Variants in CAMK1D observed in about 807,000 individuals in gnomAD.
The protein encoded by CAMK1D is calcium/calmodulin-dependent protein kinase type 1D.
CAMK1D carries 9 observed loss-of-function variants against 47.7 expected under a neutral mutation model. The ratio of observed to expected loss-of-function variants is 0.19; its 90% confidence interval spans 0.11 to 0.33. CAMK1D has a LOEUF of 0.33. Among genes scored for constraint, CAMK1D ranks in the 10% least tolerant of loss-of-function variants. CAMK1D has a pLI of 1.00. For missense variants in CAMK1D, 291 were observed against 488.7 expected, an observed-to-expected ratio of 0.60 and a Z score of 3.81; for synonymous variants, 184 against 184.9, an observed-to-expected ratio of 0.99 and a Z score of 0.04.
chr10:12,668,922 A>G (rs542294839), intron 3 of CAMK1D, among the ~76,000 whole-genome samples: 1 of 151,674 alleles, frequency 6.6e-6, no homozygotes, highest in African/African-American at 2.4e-5. Flanking sequence ...AGAAAAAAAA[A>G]ACAAAAAACA....
At chr10:12,474,388 T>A (rs1380589042) in intron 1 of CAMK1D, among the ~76,000 whole-genome samples, 1 of 151,664 alleles carries the variant, frequency 6.6e-6, no homozygotes, top group Non-Finnish European at 1.5e-5. Context: ...AGAGATGGGG[T>A]TTCACCGTGT....
At chr10:12,416,011 AAAAAG>A (rs1445484153) in intron 1 of CAMK1D, 4 of 152,212 alleles carry the variant, frequency 2.6e-5, no homozygotes, top group Non-Finnish European at 4.4e-5. Context: ...GAAAAAAAGA[AAAAAG>A]AAAGCGAAAA....
chr10:12,497,020 G>A (rs1256456470), intron 1 of CAMK1D, among the ~76,000 whole-genome samples: 2 of 152,156 alleles, frequency 1.3e-5, no homozygotes, highest in African/African-American at 2.4e-5. Flanking sequence ...TTAGTTTGCT[G>A]AAGATAATGG....
chr10:12,611,344 C>A (rs1268409656), intron 2 of CAMK1D, among the ~76,000 whole-genome samples: 2 of 152,142 alleles, frequency 1.3e-5, no homozygotes, highest in African/African-American at 2.4e-5. Context: ...CGAAGTGCCC[C>A]CTTCCGTGCT....
At chr10:12,810,689 C>G (rs1832567695) in intron 6 of CAMK1D, among the ~76,000 whole-genome samples, 1 of 152,184 alleles carries the variant, frequency 6.6e-6, no homozygotes, top group African/African-American at 2.4e-5. Context: ...ACCAAACGCC[C>G]CACAGAGAGA....
chr10:12,759,716 C>T (rs1452128021), intron 3 of CAMK1D, among the ~76,000 whole-genome samples: 1 of 152,158 alleles, frequency 6.6e-6, no homozygotes, highest in Non-Finnish European at 1.5e-5. Flanking sequence ...ACAATATTGC[C>T]TGCTATGACT....
intron 1 of CAMK1D, among the ~76,000 whole-genome samples, chr10:12,498,381 C>A (rs970953274): frequency 3.8e-4 from 58 of 152,304 alleles, no homozygotes; most frequent in African/African-American, 1.4e-3. Flanking sequence ...GAGCATCTGG[C>A]ACCAGGAGAA....
At chr10:12,547,672 T>TC (rs1836431195) in intron 1 of CAMK1D, among the ~76,000 whole-genome samples, 1 of 42,062 alleles carries the variant, frequency 2.4e-5, no homozygotes, top group Admixed American at 2.1e-4. Context: ...TCTCTCTCTC[T>TC]TTCTCTCTCT....
At chr10:12,732,663 T>TCCCCCCC (rs1834942900) in intron 3 of CAMK1D, among the ~76,000 whole-genome samples, 1 of 130,554 alleles carries the variant, frequency 7.7e-6, no homozygotes, top group African/African-American at 3.6e-5. Context: ...ATTATTCAAT[T>TCCCCCCC]ACCCCCGCCC....
intron 2 of CAMK1D, among the ~76,000 whole-genome samples, chr10:12,600,864 G>A (rs1244471020): frequency 6.6e-6 from 1 of 152,230 alleles, no homozygotes; most frequent in Non-Finnish European, 1.5e-5. Context: ...ACTTGTGGGT[G>A]AGAACATGTG....
At chr10:12,815,568 G>A (rs1163493864) in intron 7 of CAMK1D, among the ~76,000 whole-genome samples, 1 of 152,208 alleles carries the variant, frequency 6.6e-6, no homozygotes, top group African/African-American at 2.4e-5. Context: ...CAGTCCTTTG[G>A]GCATTGAGGG....
At chr10:12,737,377 A>G (rs1019284953) in intron 3 of CAMK1D, among the ~76,000 whole-genome samples, 5 of 152,178 alleles carry the variant, frequency 3.3e-5, no homozygotes, top group Admixed American at 2.0e-4. Flanking sequence ...ATTTCTGCCC[A>G]AAGTGCTGTG....
chr10:12,376,991 C>T (rs1161984895), intron 1 of CAMK1D, among the ~76,000 whole-genome samples: 1 of 152,034 alleles, frequency 6.6e-6, no homozygotes, highest in Non-Finnish European at 1.5e-5. Context: ...AAATTCCTGA[C>T]CTCAAGTGAT....
At chr10:12,574,470 T>A (rs1330310205) in intron 2 of CAMK1D, among the ~76,000 whole-genome samples, 1 of 105,770 alleles carries the variant, frequency 9.5e-6, no homozygotes, top group Non-Finnish European at 1.9e-5. Context: ...CCTAGCTAAT[T>A]TTTTTTTTTT....
intron 2 of CAMK1D, among the ~76,000 whole-genome samples, chr10:12,590,512 C>T (rs951161414): frequency 6.6e-6 from 1 of 152,116 alleles, no homozygotes; most frequent in East Asian, 1.9e-4. Context: ...AGGTGTGAGC[C>T]ACTTTGCCTG....
intron 1 of CAMK1D, among the ~76,000 whole-genome samples, chr10:12,552,915 G>A (rs1836632515): frequency 6.6e-6 from 1 of 152,058 alleles, no homozygotes; most frequent in African/African-American, 2.4e-5. Context: ...CTAATTTTTT[G>A]TATTTTTAGT....
chr10:12,611,275 C>T (rs577884464), intron 2 of CAMK1D, among the ~76,000 whole-genome samples: 8 of 152,244 alleles, frequency 5.3e-5, no homozygotes, highest in African/African-American at 1.4e-4. Flanking sequence ...CTCCACTAAA[C>T]GCAGGCCCTG....
chr10:12,679,836 C>A (rs1046363203), intron 3 of CAMK1D, among the ~76,000 whole-genome samples: 3 of 152,218 alleles, frequency 2.0e-5, no homozygotes, highest in Non-Finnish European at 4.4e-5. Context: ...GGGCATATCC[C>A]CCTGGCTAAT....
chr10:12,567,211 C>A (rs1005225264), intron 2 of CAMK1D, among the ~76,000 whole-genome samples: 5 of 152,180 alleles, frequency 3.3e-5, no homozygotes, highest in Non-Finnish European at 5.9e-5. Context: ...AGGTCATAAT[C>A]CAGAAAGACC....
Sources: gnomAD v4.1 joint callset for allele counts (sites outside exome capture counted in the v4.1 genomes callset) on GRCh38, gnomAD v4.1.1 for gene constraint, MANE v1.5 for transcripts, NCBI Gene and HGNC (gene_info 2026-07-23, HGNC 2026-07-21) for gene names.